The following ZKSCAN5 variants were observed in gnomAD, a reference collection of about 807,000 sequenced individuals.
ZKSCAN5 encodes the protein zinc finger with KRAB and SCAN domains 5.
ZKSCAN5 carries 28 observed loss-of-function variants against 60.0 expected under a neutral mutation model. That is an observed-to-expected ratio of 0.47 (90% confidence interval 0.35 to 0.64). ZKSCAN5 has a LOEUF of 0.64. Ranked by LOEUF, ZKSCAN5 falls within the 30% of genes least tolerant of loss-of-function variation. ZKSCAN5 has a pLI of 0.01. For missense variants in ZKSCAN5, 881 were observed against 1,034.6 expected, an observed-to-expected ratio of 0.85 and a Z score of 2.04; for synonymous variants, 361 against 371.2, an observed-to-expected ratio of 0.97 and a Z score of 0.31.
At chr7:99,512,003 A>G (rs1584171903) in intron 2 of ZKSCAN5, among the ~76,000 whole-genome samples, 2 of 152,164 alleles carry the variant, frequency 1.3e-5, no homozygotes, top group East Asian at 3.9e-4. Context: ...CGTGTTAGCC[A>G]GATTGGTCTT....
In ZKSCAN5 at chr7:99,532,126, A is replaced by G. The variant is rs1205736044; in HGVS notation, c.2397A>G (p.Lys799=). ...ATCAGAGAATCCATACTGGTGAGAA[A>G]CCTTTTCAATGTAAAGAATGTGGAA... ...NQHQRIHTGE[K]PFQCKECGMN... Residue 799 remains lysine, a synonymous_variant, in exon 7 of 7, where the codon AAA becomes AAG. Transcript: ENST00000326775. 3 of 1,614,088 alleles carry G rather than the reference A, an allele frequency of 1.9e-6. No homozygotes were observed. The highest frequency in any genetic ancestry group is 1.1e-5 in the South Asian group (1 of 91,086).
chr7:99,512,545 C>T lies in ZKSCAN5; in HGVS notation c.507C>T (p.Thr169=). The change falls in exon 3 of 7, where the codon ACC becomes ACT. Residue 169 remains threonine (T), a synonymous_variant. Transcript: ENST00000326775. ...SCSPHPLTVD[T]QPEQAPQKPR... ...GCCCCCATCCCCTGACCGTGGACACCCAGCCTGAGCAAGCGCCACAGAAGC... is the reference window on the plus strand; with the variant it reads ...GCCCCCATCCCCTGACCGTGGACACTCAGCCTGAGCAAGCGCCACAGAAGC... The T allele has an allele frequency of 6.2e-7, 1 of 1,614,128 alleles. No homozygotes were observed.
At chr7:99,506,874 T>A (rs1250084189) in intron 2 of ZKSCAN5, among the ~76,000 whole-genome samples, 1 of 150,314 alleles carries the variant, frequency 6.7e-6, no homozygotes, top group East Asian at 1.9e-4. Context: ...TTTTTTGTAT[T>A]TTTAGTAGAG....
intron 6 of ZKSCAN5, among the ~76,000 whole-genome samples, chr7:99,528,119 C>CTTTT (rs869150553): frequency 5.8e-5 from 7 of 121,248 alleles, no homozygotes; most frequent in Non-Finnish European, 1.3e-4. Flanking sequence ...AAATGTTTTT[C>CTTTT]TTTTTTTTTT....
intron 4 of ZKSCAN5, 65 bp downstream of exon 4, chr7:99,519,974 C>G (rs1801452347): frequency 6.3e-7 from 1 of 1,585,912 alleles, no homozygotes; most frequent in South Asian, 1.1e-5. Flanking sequence ...AGTTCTGTTT[C>G]TTTAGCCAGT....
intron 6 of ZKSCAN5, 103 bp from the exon 7 acceptor site, chr7:99,531,005 C>A: frequency 9.3e-7 from 1 of 1,072,358 alleles, no homozygotes; most frequent in Non-Finnish European, 1.3e-6. Context: ...TGCAGTGAGC[C>A]GAGATCGCAT....
At chr7:99,506,583 C>G in intron 2 of ZKSCAN5, 125 bp downstream of exon 2, 1 of 1,155,898 alleles carries the variant, frequency 8.7e-7, no homozygotes, top group Non-Finnish European at 1.2e-6. Context: ...ATTAGGTACC[C>G]TGTGACTTCC....
intron 5 of ZKSCAN5, among the ~76,000 whole-genome samples, chr7:99,522,781 C>T (rs906848094): frequency 3.3e-5 from 5 of 151,820 alleles, no homozygotes; most frequent in African/African-American, 1.2e-4. Context: ...GCCACCATGC[C>T]TGGCTCGTAT....
chr7:99,530,533 TAG>T (rs1801996069), intron 6 of ZKSCAN5, among the ~76,000 whole-genome samples: 1 of 152,170 alleles, frequency 6.6e-6, no homozygotes, highest in African/African-American at 2.4e-5. Context: ...GTTGACTTGT[TAG>T]AGTTACTTGT....
intron 3 of ZKSCAN5, among the ~76,000 whole-genome samples, chr7:99,517,846 CAAAA>C (rs34620664): frequency 7.7e-6 from 1 of 129,966 alleles, no homozygotes; most frequent in Admixed American, 7.8e-5. Flanking sequence ...GACCTTGTCT[CAAAA>C]AAAAAAAAAA....
intron 2 of ZKSCAN5, 74 bp downstream of exon 2, chr7:99,506,532 A>C (rs2151091516): frequency 4.7e-6 from 7 of 1,486,616 alleles, no homozygotes; most frequent in Non-Finnish European, 6.3e-6. Flanking sequence ...TGAGATTCTT[A>C]GTCCTCTGCT....
At position 99,526,048 on chromosome 7, in the gene ZKSCAN5, T is replaced by G. The variant is rs949071620; in HGVS notation, c.1008T>G (p.Pro336=). 6.2e-7 allele frequency: 1 copy of G among 1,614,044 alleles called. No homozygotes were observed. The highest frequency in any genetic ancestry group is 1.3e-5 in the African/African-American group (1 of 74,906). ...TGGATGCAATCACAGACATCAGCCC[T>G]AAGCAAAGCACACATGGCGAGAGAG... ...RDLDAITDIS[P]KQSTHGERGH... Residue 336 remains proline, a synonymous_variant, in exon 6 of 7, where the codon CCT becomes CCG. Coordinates refer to ENST00000326775, the MANE Select transcript of ZKSCAN5 (RefSeq NM_145102.4).
chr7:99,530,258 C>T (rs1801984659), intron 6 of ZKSCAN5, among the ~76,000 whole-genome samples: 1 of 151,852 alleles, frequency 6.6e-6, no homozygotes, highest in Non-Finnish European at 1.5e-5. Context: ...TGGTTTCGAA[C>T]TCCTGACCTC....
chr7:99,519,846 T>C lies in ZKSCAN5; in HGVS notation c.573T>C (p.Val191=). 1 of 1,614,044 alleles carries C rather than the reference T, an allele frequency of 6.2e-7. No homozygotes were observed. Among genetic ancestry groups the C allele is most frequent in the Non-Finnish European group, 8.5e-7 (1 of 1,180,022 alleles). Residue 191 remains valine, a synonymous_variant, in exon 4 of 7, where the codon GTT becomes GTC. Coordinates refer to ENST00000326775, the MANE Select transcript of ZKSCAN5 (RefSeq NM_145102.4). The part of the protein sequence containing the change: ...LEENALPVLQ[V]PSLPLKDSQE... ...CCTTAGCCCTTCCTGTTCTCCAAGT[T>C]CCTTCCCTTCCCCTGAAGGACAGCC...
chr7:99,532,026 T>A lies in ZKSCAN5; in HGVS notation c.2297T>A (p.Ile766Asn). The A allele has an allele frequency of 1.2e-6, 2 of 1,614,146 alleles. No individual in the cohort carries two copies. The highest frequency in any genetic ancestry group is 1.7e-6 in the Non-Finnish European group (2 of 1,180,018). The change falls in exon 7 of 7, where the codon ATC (isoleucine) becomes AAC (asparagine). Residue 766 changes from isoleucine (I) to asparagine (N), a missense_variant. Around this residue, in one of 5 missense-constraint regions of ZKSCAN5, gnomAD observed 138 missense variants for 143.8 expected, o/e 0.96. Coordinates refer to ENST00000326775, the MANE Select transcript of ZKSCAN5 (RefSeq NM_145102.4). The part of the protein sequence containing the change: ...QCSHTKQHQK[I>N]YSSTKSHQCH... The stretch of plus-strand genomic sequence containing the variant: ...TCCCACACCAAACAACATCAAAAAA[T>A]CTACTCCAGCACAAAATCCCATCAA...
Position 99,504,924 on chromosome 7 carries a change from C to G in ZKSCAN5, c.-41+191C>G, listed in dbSNP as rs550287117. ...CCGGCCAATCAGACACGAGCAACCT[C>G]AGCCCAACTCTGGAGGCCCCGCCCC... On this transcript the variant is annotated intron_variant, in intron 1 of 6. Coordinates refer to ENST00000326775, the MANE Select transcript of ZKSCAN5 (RefSeq NM_145102.4). 2.6e-5 allele frequency: 4 copies of G among 154,120 alleles called. No individual in the cohort carries two copies. The East Asian group carries it at 5.7e-4, about 22-fold the overall frequency. 9.5% of individuals were successfully genotyped at this position (154,120 alleles called of 1,614,324 possible).
chr7:99,527,009 TC>T (rs1176763160), intron 6 of ZKSCAN5, among the ~76,000 whole-genome samples: 6 of 152,204 alleles, frequency 3.9e-5, no homozygotes, highest in Non-Finnish European at 8.8e-5. Context: ...TTTCCCCTTT[TC>T]CCAATTTAGT....
chr7:99,530,174 C>T (rs947147545), intron 6 of ZKSCAN5, among the ~76,000 whole-genome samples: 3 of 150,398 alleles, frequency 2.0e-5, no homozygotes, highest in African/African-American at 2.5e-5. Context: ...GCTGGGATTA[C>T]AGGCGCCCGC....
At position 99,520,196 on chromosome 7, in the gene ZKSCAN5, G is replaced by A. The variant is rs750485936; in HGVS notation, c.664G>A (p.Asp222Asn). Residue 222 changes from aspartate to asparagine, a missense_variant, in exon 5 of 7, where the codon GAT becomes AAT. Physicochemically the swap from Asp to Asn is conservative, Grantham distance 23. Coordinates refer to ENST00000326775, the MANE Select transcript of ZKSCAN5 (RefSeq NM_145102.4). ...GTTGGTGAAAATTGAAGAGGTGGCT[G>A]ATGTGGCTGTATCCTTCATCCTGGA... Reference protein sequence around the residue: ...QKLVKIEEVADVAVSFILEEW... With the variant: ...QKLVKIEEVANVAVSFILEEW... 15 of 1,613,816 alleles carry A rather than the reference G, an allele frequency of 9.3e-6. 1 individual carries two copies. The South Asian group carries it at 1.5e-4, about 17-fold the overall frequency.
Sources: gnomAD v4.1 joint callset for allele counts (sites outside exome capture counted in the v4.1 genomes callset) on GRCh38, gnomAD v4.1.1 for gene constraint, gnomAD v4.1.1 regional missense constraint, MANE v1.5 for transcripts, NCBI Gene and HGNC (gene_info 2026-07-23, HGNC 2026-07-21) for gene names.